Variants in GRID2 observed in about 807,000 individuals in gnomAD.
The protein encoded by GRID2 is glutamate receptor ionotropic, delta-2.
In GRID2, 33 loss-of-function variants were observed where a neutral mutation model predicts 114.8. The observed-to-expected ratio is 0.29, with a 90% CI of 0.22 to 0.38. GRID2 has a LOEUF of 0.38. GRID2 is among the 10% of genes least tolerant of loss of function. The pLI, the probability that GRID2 is intolerant of heterozygous loss-of-function variation, is 1.00. For missense variants in GRID2, 1,184 were observed against 1,257.7 expected, an observed-to-expected ratio of 0.94 and a Z score of 0.89; for synonymous variants, 505 against 449.9, an observed-to-expected ratio of 1.12 and a Z score of -1.55.
chr4:93,223,386 A>C (rs1163858762), intron 6 of GRID2, among the ~76,000 whole-genome samples: 1 of 152,196 alleles, frequency 6.6e-6, no homozygotes. Flanking sequence ...AGGATTGAAG[A>C]TTTACATGGT....
At chr4:92,914,098 G>A (rs534637374) in intron 2 of GRID2, among the ~76,000 whole-genome samples, 25 of 152,038 alleles carry the variant, frequency 1.6e-4, no homozygotes, top group African/African-American at 5.5e-4. Context: ...TTTGCAAATC[G>A]ATCTTTGGTT....
At chr4:92,374,454 A>G (rs1227049709) in intron 1 of GRID2, among the ~76,000 whole-genome samples, 2 of 152,062 alleles carry the variant, frequency 1.3e-5, no homozygotes, top group African/African-American at 2.4e-5. Flanking sequence ...GTTTTATTGA[A>G]GTCTCATGTC....
chr4:92,317,859 G>T (rs1726079535), intron 1 of GRID2, among the ~76,000 whole-genome samples: 1 of 152,050 alleles, frequency 6.6e-6, no homozygotes, highest in South Asian at 2.1e-4. Context: ...GCCCTCCAGG[G>T]GTAATGCTGC....
intron 2 of GRID2, among the ~76,000 whole-genome samples, chr4:92,819,652 A>G (rs1036169587): frequency 3.9e-5 from 6 of 152,144 alleles, no homozygotes; most frequent in African/African-American, 9.7e-5. Flanking sequence ...AAAAATGATA[A>G]TAGGACTATG....
chr4:93,745,730 G>A (rs1055630369), intron 14 of GRID2, among the ~76,000 whole-genome samples: 2 of 152,160 alleles, frequency 1.3e-5, no homozygotes, highest in Non-Finnish European at 2.9e-5. Context: ...CCAATTAAAT[G>A]TACTGTTTAC....
intron 10 of GRID2, among the ~76,000 whole-genome samples, chr4:93,450,190 A>C (rs572368470): frequency 6.6e-6 from 1 of 151,870 alleles, no homozygotes; most frequent in Non-Finnish European, 1.5e-5. Context: ...AGAAAATCAT[A>C]TCTTTGGAAA....
chr4:93,577,694 A>G (rs1034182071), intron 13 of GRID2, among the ~76,000 whole-genome samples: 9 of 152,332 alleles, frequency 5.9e-5, no homozygotes, highest in Non-Finnish European at 1.0e-4. Flanking sequence ...GAAAGTGAAC[A>G]TGAACCAAAT....
chr4:93,785,247 T>C (rs1734568338), intron 1 of GRID2, among the ~76,000 whole-genome samples: 2 of 152,158 alleles, frequency 1.3e-5, no homozygotes, highest in East Asian at 3.8e-4. Flanking sequence ...TGAACAGCTG[T>C]GAATATTGGA....
Position 93,308,389 on chromosome 4 carries a change from G to A in GRID2, c.1245+69899G>A, listed in dbSNP as rs1036032158. Among the ~76,000 whole-genome samples, 4 of 152,090 alleles carry A rather than the reference G, an allele frequency of 2.6e-5. No homozygotes were observed. The East Asian group carries it at 5.8e-4, about 22-fold the overall frequency. ...GTTTCCATAGTTCACATTCATTTCC[G>A]TGAGTATTAGGGTCTTCATAAAACA... On this transcript the variant is annotated intron_variant, in intron 8 of 15. Transcript: ENST00000282020.
chr4:93,055,680 A>G (rs979230088), intron 2 of GRID2, among the ~76,000 whole-genome samples: 1 of 152,032 alleles, frequency 6.6e-6, no homozygotes, highest in Non-Finnish European at 1.5e-5. Context: ...TTCACTCTAA[A>G]TTCCAAATTA....
chr4:93,398,395 G>A (rs752211780), intron 9 of GRID2, among the ~76,000 whole-genome samples: 20 of 151,274 alleles, frequency 1.3e-4, no homozygotes, highest in African/African-American at 4.6e-4. Flanking sequence ...GATTCTAGAC[G>A]TTAACCCCTT....
intron 8 of GRID2, among the ~76,000 whole-genome samples, chr4:93,261,352 G>T (rs1275083381): frequency 2.0e-5 from 3 of 151,818 alleles, no homozygotes; most frequent in Non-Finnish European, 4.4e-5. Flanking sequence ...TTGCACCTAA[G>T]TGGCTTACAG....
chr4:92,874,290 G>T (rs149633914), intron 2 of GRID2, among the ~76,000 whole-genome samples: 10 of 152,230 alleles, frequency 6.6e-5, no homozygotes, highest in Non-Finnish European at 1.3e-4. Context: ...GCCTCTTCAT[G>T]AAGATAGGAC....
At position 93,531,494 on chromosome 4, in the gene GRID2, G is replaced by A. The variant is rs199902142; in HGVS notation, c.2193+16083G>A. On this transcript the variant is annotated intron_variant, in intron 13 of 15. Coordinates refer to ENST00000282020, the MANE Select transcript of GRID2 (RefSeq NM_001510.4). ...GGTGCTTTACTCACCTTATCCTAGA[G>A]GAGGCCATGAGAAGGAAGCAGAAAA... Among the ~76,000 whole-genome samples the A allele has an allele frequency of 1.2e-4, 19 of 152,086 alleles. No individual in the cohort carries two copies. The East Asian group carries it at 3.7e-3, about 29-fold the overall frequency.
intron 2 of GRID2, among the ~76,000 whole-genome samples, chr4:92,648,538 C>G (rs1203263495): frequency 6.7e-6 from 1 of 149,466 alleles, no homozygotes; most frequent in Non-Finnish European, 1.5e-5. Context: ...TTGAAAGAAA[C>G]AGCCGTTTCT....
chr4:92,750,446 A>G (rs1223048756), intron 2 of GRID2, among the ~76,000 whole-genome samples: 30 of 151,760 alleles, frequency 2.0e-4, no homozygotes, highest in Admixed American at 2.0e-3. Flanking sequence ...AATTCAAAAT[A>G]ACAAGGTTAT....
intron 14 of GRID2, among the ~76,000 whole-genome samples, chr4:93,751,593 G>C (rs1302544974): frequency 6.6e-6 from 1 of 152,130 alleles, no homozygotes; most frequent in African/African-American, 2.4e-5. Flanking sequence ...TGAATTTGCT[G>C]TACAGTGACA....
At chr4:93,626,700 A>G (rs1190510488) in intron 14 of GRID2, among the ~76,000 whole-genome samples, 2 of 152,244 alleles carry the variant, frequency 1.3e-5, no homozygotes, top group Non-Finnish European at 2.9e-5. Context: ...CATGGAAAAG[A>G]AAGTAGGTGT....
intron 1 of GRID2, among the ~76,000 whole-genome samples, chr4:92,305,360 T>A (rs1020357036): frequency 6.6e-6 from 1 of 152,120 alleles, no homozygotes; most frequent in African/African-American, 2.4e-5. Context: ...CAGGAGGGGC[T>A]GGCGGCAGTG....
Sources: allele counts gnomAD v4.1 joint callset (sites outside exome capture counted in the v4.1 genomes callset), GRCh38; gene constraint gnomAD v4.1.1; transcripts MANE v1.5; gene names NCBI Gene and HGNC (gene_info 2026-07-23, HGNC 2026-07-21).